The following TCF7L1 variants were observed in gnomAD, a reference collection of about 807,000 sequenced individuals.
TCF7L1 encodes the protein transcription factor 7 like 1.
In TCF7L1, 18 loss-of-function variants were observed where a neutral mutation model predicts 63.7. The observed-to-expected ratio is 0.28, with a 90% confidence interval of 0.20 to 0.42. The LOEUF (loss-of-function observed/expected upper bound fraction) is 0.42, where lower values mean the gene tolerates loss of function less well. Among genes scored for constraint, TCF7L1 ranks in the 10% least tolerant of loss-of-function variants. The pLI, the probability that TCF7L1 is intolerant of heterozygous loss-of-function variation, is 1.00. For missense variants in TCF7L1, 654 were observed against 779.3 expected (o/e 0.84, Z 1.91); for synonymous variants, 355 against 340.9 (o/e 1.04, Z -0.46).
rs370976068 is a variant in TCF7L1 at position 85,309,664 on chromosome 2, C to A, written c.*202C>A. ...TTTTTTAAAAAACAAAACAAAACAACAAAAAAAAATCTTTATAAGAAAGAG... is the reference window on the plus strand; with the variant it reads ...TTTTTTAAAAAACAAAACAAAACAAAAAAAAAAAATCTTTATAAGAAAGAG... On this transcript the variant is annotated 3_prime_UTR_variant, in exon 12 of 12. Transcript: ENST00000282111. 3.9e-4 allele frequency: 190 copies of A among 481,352 alleles called. 1 individual carries two copies. The highest frequency in any genetic ancestry group is 1.8e-3 in the South Asian group (32 of 17,386). The allele number at this position is 481,352 out of a possible 1,614,324, so 29.8% of individuals were successfully genotyped here. A position where few individuals can be genotyped will look rare whatever the true frequency, so the allele number is the denominator to read the frequency against.
At position 85,159,879 on chromosome 2, in the gene TCF7L1, C is replaced by T. The variant is rs760958365; in HGVS notation, c.441+25429C>T. 7.9e-5 allele frequency among the ~76,000 whole-genome samples: 12 copies of T among 152,288 alleles called. No individual in the cohort carries two copies. The Middle Eastern group carries it at 0.01, about 129-fold the overall frequency. ...AGGGGGACCCAGCTTCCTCCACAAG[C>T]GTCTCTGTTGCTTCCCCCTTTGTTT... On this transcript the variant is annotated intron_variant, in intron 3 of 11. Transcript: ENST00000282111.
chr2:85,263,146 C>G (rs976879937), intron 3 of TCF7L1, among the ~76,000 whole-genome samples: 2 of 152,162 alleles, frequency 1.3e-5, no homozygotes, highest in African/African-American at 4.8e-5. Context: ...TGGCAAAAGA[C>G]TTGGGGGCAT....
chr2:85,147,515 C>T (rs1677909140), intron 3 of TCF7L1, among the ~76,000 whole-genome samples: 1 of 151,872 alleles, frequency 6.6e-6, no homozygotes, highest in Admixed American at 6.6e-5. Flanking sequence ...GAGGGGACTC[C>T]TGGCTCTTGG....
At chr2:85,274,980 T>G (rs1681239053) in intron 3 of TCF7L1, among the ~76,000 whole-genome samples, 1 of 152,198 alleles carries the variant, frequency 6.6e-6, no homozygotes, top group Non-Finnish European at 1.5e-5. Flanking sequence ...GTAGGTGTTC[T>G]TATTCCTATT....
chr2:85,309,312 T>C lies in TCF7L1; in HGVS notation c.1617T>C (p.Pro539=), dbSNP rs754404419. The C allele has an allele frequency of 6.2e-7, 1 of 1,613,128 alleles. No individual in the cohort carries two copies. The highest frequency in any genetic ancestry group is 8.5e-7 in the Non-Finnish European group (1 of 1,179,886). ...ASSSGQMGSQ[P]PLLSRPLPLG... ...CCTCTGGGCAGATGGGCAGCCAGCC[T>C]CCCCTCCTGTCCCGGCCCCTCCCCC... Residue 539 remains proline (P), a synonymous_variant, in exon 12 of 12, where the codon CCT becomes CCC. Transcript: ENST00000282111.
intron 3 of TCF7L1, among the ~76,000 whole-genome samples, chr2:85,220,537 T>G (rs1488032074): frequency 2.6e-5 from 4 of 152,064 alleles, no homozygotes; most frequent in Non-Finnish European, 4.4e-5. Flanking sequence ...AGCTAACTTT[T>G]GTATTTTTGA....
intron 3 of TCF7L1, among the ~76,000 whole-genome samples, chr2:85,142,499 C>CACACA (rs1363449329): frequency 7.1e-6 from 1 of 141,480 alleles, no homozygotes; most frequent in African/African-American, 2.7e-5. Context: ...TATATATATA[C>CACACA]ACACACACAC....
intron 3 of TCF7L1, among the ~76,000 whole-genome samples, chr2:85,186,035 C>T (rs1422061972): frequency 2.1e-5 from 3 of 144,346 alleles, no homozygotes; most frequent in African/African-American, 5.3e-5. Context: ...GGTGCAATCT[C>T]GGCTCACTGC....
intron 3 of TCF7L1, among the ~76,000 whole-genome samples, chr2:85,229,243 A>T (rs1680021810): frequency 6.6e-6 from 1 of 151,860 alleles, no homozygotes; most frequent in Non-Finnish European, 1.5e-5. Context: ...CTACTCCGGG[A>T]GGCTGAGGCA....
chr2:85,283,615 T>C, intron 4 of TCF7L1, 37 bp downstream of exon 4: 1 of 1,608,438 alleles, frequency 6.2e-7, no homozygotes, highest in Non-Finnish European at 8.5e-7. Flanking sequence ...AAAGGGCCAC[T>C]ATTAGTGGCC....
intron 3 of TCF7L1, among the ~76,000 whole-genome samples, chr2:85,146,316 G>A (rs1677878773): frequency 6.6e-6 from 1 of 152,068 alleles, no homozygotes; most frequent in African/African-American, 2.4e-5. Context: ...AGCTGTGGGG[G>A]ATTCTGGTTC....
chr2:85,152,625 G>A (rs530886754), intron 3 of TCF7L1, among the ~76,000 whole-genome samples: 41 of 149,050 alleles, frequency 2.8e-4, no homozygotes, highest in African/African-American at 1.0e-3. Flanking sequence ...AGTAGAGACA[G>A]GGTTTCACCA....
chr2:85,273,066 T>G (rs1023284508), intron 3 of TCF7L1, among the ~76,000 whole-genome samples: 3 of 151,928 alleles, frequency 2.0e-5, no homozygotes, highest in Admixed American at 6.6e-5. Context: ...GGGGAGGGCA[T>G]GTAAGCAGCC....
intron 4 of TCF7L1, among the ~76,000 whole-genome samples, chr2:85,285,029 C>T (rs1184492306): frequency 1.3e-5 from 2 of 152,064 alleles, no homozygotes; most frequent in African/African-American, 4.8e-5. Context: ...GTCAGGAGAT[C>T]GATACCATCC....
At chr2:85,187,798 G>C (rs1678958106) in intron 3 of TCF7L1, among the ~76,000 whole-genome samples, 1 of 152,002 alleles carries the variant, frequency 6.6e-6, no homozygotes. Flanking sequence ...GCTCTTCTAG[G>C]GCCTTTCTCT....
intron 3 of TCF7L1, among the ~76,000 whole-genome samples, chr2:85,281,917 C>T (rs1210577050): frequency 6.6e-6 from 1 of 152,198 alleles, no homozygotes; most frequent in African/African-American, 2.4e-5. Flanking sequence ...TGCTCCTGTA[C>T]ACAGCAGAGC....
intron 3 of TCF7L1, among the ~76,000 whole-genome samples, chr2:85,170,078 T>C (rs1033022466): frequency 6.6e-6 from 1 of 152,306 alleles, no homozygotes; most frequent in Non-Finnish European, 1.5e-5. Context: ...GAAAGATGAA[T>C]ATTTCAGAGA....
chr2:85,256,211 C>A (rs1044618369), intron 3 of TCF7L1, among the ~76,000 whole-genome samples: 2 of 152,214 alleles, frequency 1.3e-5, no homozygotes, highest in African/African-American at 4.8e-5. Flanking sequence ...TGGCGTCCCC[C>A]CCGCCCCAAC....
intron 3 of TCF7L1, among the ~76,000 whole-genome samples, chr2:85,248,219 C>T (rs116212548): frequency 2.2e-4 from 33 of 152,262 alleles, no homozygotes; most frequent in Non-Finnish European, 4.6e-4. Context: ...CCAAATGTGA[C>T]TTTGGGGGCT....
Sources: allele counts gnomAD v4.1 joint callset (sites outside exome capture counted in the v4.1 genomes callset), GRCh38; gene constraint gnomAD v4.1.1; transcripts MANE v1.5; gene names NCBI Gene and HGNC (gene_info 2026-07-23, HGNC 2026-07-21).